PSMD1: variants seen among roughly 807,000 people sequenced by gnomAD.
PSMD1 encodes the protein proteasome 26S subunit, non-ATPase 1.
A neutral mutation model predicts 119.0 loss-of-function variants in PSMD1; 18 were observed. The ratio of observed to expected loss-of-function variants is 0.15; its 90% CI spans 0.10 to 0.22. The LOEUF (loss-of-function observed/expected upper bound fraction) is 0.22, where lower values mean the gene tolerates loss of function less well. Ranked by LOEUF, PSMD1 falls within the 10% of genes least tolerant of loss-of-function variation. PSMD1 has a pLI of 1.00. For missense variants in PSMD1, 702 were observed against 1,158.5 expected (o/e 0.61, Z 5.72); for synonymous variants, 374 against 396.6 (o/e 0.94, Z 0.68).
chr2:231,066,268 T>G (rs1693909633), intron 4 of PSMD1, among the ~76,000 whole-genome samples: 2 of 152,264 alleles, frequency 1.3e-5, no homozygotes, highest in South Asian at 2.1e-4. Flanking sequence ...TTTAAACTTG[T>G]GGCACATTTC....
chr2:231,108,324 A>C (rs1297634699), intron 16 of PSMD1: 1 of 545,920 alleles, frequency 1.8e-6, no homozygotes, highest in Non-Finnish European at 3.2e-6. Context: ...ATTTGTAGCT[A>C]TATAAAATTA....
chr2:231,056,974 A>G lies in PSMD1; in HGVS notation c.-52A>G. 1 of 1,538,566 alleles carries G rather than the reference A, an allele frequency of 6.5e-7. No individual in the cohort carries two copies. Among genetic ancestry groups the G allele is most frequent in the Non-Finnish European group, 8.7e-7 (1 of 1,143,326 alleles). On this transcript the variant is annotated 5_prime_UTR_variant, in exon 1 of 25. Coordinates refer to ENST00000308696, the MANE Select transcript of PSMD1 (RefSeq NM_002807.4). The stretch of plus-strand genomic sequence containing the variant: ...GAGCGGCCCCTGAGCTGACAGATAC[A>G]CTGCGCAGCTGGAACGGCGAGCGAG...
Position 231,061,251 on chromosome 2 carries a change from A to G in PSMD1, c.17-16A>G. ...AGAATGTGTTTCATAATCATGTTAC[A>G]TCTTTTTTCTCATAGCTGGAATTAT... On this transcript the variant is annotated splice_polypyrimidine_tract_variant and intron_variant, in intron 1 of 24. Coordinates refer to ENST00000308696, the MANE Select transcript of PSMD1 (RefSeq NM_002807.4). The G allele has an allele frequency of 6.3e-7, 1 of 1,577,288 alleles. No homozygotes were observed. Among genetic ancestry groups the G allele is most frequent in the African/African-American group, 1.4e-5 (1 of 73,982 alleles).
At chr2:231,087,712 C>T (rs999183522) in intron 16 of PSMD1, among the ~76,000 whole-genome samples, 4 of 152,146 alleles carry the variant, frequency 2.6e-5, no homozygotes, top group Admixed American at 1.3e-4. Flanking sequence ...CCTGTAATCC[C>T]AGCACTTTGG....
At chr2:231,118,547 G>A (rs1374676531) in intron 16 of PSMD1, among the ~76,000 whole-genome samples, 1 of 152,144 alleles carries the variant, frequency 6.6e-6, no homozygotes, top group Non-Finnish European at 1.5e-5. Context: ...TAACCTGTAT[G>A]CATTGCATGC....
intron 18 of PSMD1, among the ~76,000 whole-genome samples, chr2:231,148,154 A>G (rs1696290886): frequency 6.6e-6 from 1 of 152,212 alleles, no homozygotes; most frequent in Non-Finnish European, 1.5e-5. Context: ...GTTTTTAAAT[A>G]TAGCAGCTAT....
chr2:231,142,184 G>GT (rs1268134594), intron 17 of PSMD1, among the ~76,000 whole-genome samples: 2 of 152,022 alleles, frequency 1.3e-5, no homozygotes, highest in Admixed American at 6.6e-5. Context: ...TGCCCGGCCA[G>GT]TTTTTTTATT....
At chr2:231,114,906 C>T (rs1202381868) in intron 16 of PSMD1, among the ~76,000 whole-genome samples, 1 of 152,030 alleles carries the variant, frequency 6.6e-6, no homozygotes, top group Non-Finnish European at 1.5e-5. Flanking sequence ...AGAATATTTC[C>T]ATTAGAATCC....
intron 16 of PSMD1, among the ~76,000 whole-genome samples, chr2:231,095,395 A>G (rs1694699910): frequency 6.6e-6 from 1 of 152,238 alleles, no homozygotes; most frequent in Non-Finnish European, 1.5e-5. Context: ...AGGAGAGGAC[A>G]TTTGCACATT....
chr2:231,113,826 A>G (rs1695241202), intron 16 of PSMD1: 2 of 1,614,176 alleles, frequency 1.2e-6, no homozygotes, highest in African/African-American at 1.3e-5. Flanking sequence ...CTATGTAACG[A>G]TCCACTGAAA....
At chr2:231,133,353 GTATTGAGTTAATCCTC>G (rs1298157050) in intron 16 of PSMD1, 45 of 152,274 alleles carry the variant, frequency 3.0e-4, no homozygotes, top group African/African-American at 9.9e-4. Context: ...TAATTGCTGT[GTATTGAGTTAATCCTC>G]TAACACTGTG....
intron 4 of PSMD1, among the ~76,000 whole-genome samples, 174 bp from the exon 5 acceptor site, chr2:231,066,732 C>T (rs1029754696): frequency 4.7e-5 from 7 of 147,582 alleles, no homozygotes; most frequent in Non-Finnish European, 7.5e-5. Context: ...TGTAGTTCTC[C>T]GGTGTAAATA....
At position 231,067,111 on chromosome 2, in the gene PSMD1, G is replaced by T; in HGVS notation, c.510G>T (p.Ser170=). 1 of 1,574,986 alleles carries T rather than the reference G, an allele frequency of 6.3e-7. No individual in the cohort carries two copies. The highest frequency in any genetic ancestry group is 8.6e-7 in the Non-Finnish European group (1 of 1,165,100). The change falls in exon 5 of 25, where the codon TCG becomes TCT. Residue 170 remains serine, a splice_region_variant and synonymous_variant. Transcript: ENST00000308696. The part of the protein sequence containing the change: ...LDVFEKTILE[S]NDVPGMLAYS... Reference sequence around the variant, plus strand: ...TCTTTGAAAAGACCATACTGGAGTCGGTAGGTAGATGATGTTATTTTAGAA... The same window carrying T: ...TCTTTGAAAAGACCATACTGGAGTCTGTAGGTAGATGATGTTATTTTAGAA...
rs193141635 is a variant in PSMD1, at chr2:231,073,801, G to A, written c.881+1386G>A. On this transcript the variant is annotated intron_variant, in intron 7 of 24. Coordinates refer to ENST00000308696, the MANE Select transcript of PSMD1 (RefSeq NM_002807.4). ...TTTTAAATTTCTATTTTTTTTGTTG[G>A]TAGTATATAGAAATATAATTGATTT... Among the ~76,000 whole-genome samples, 55 of 151,446 alleles carry A rather than the reference G, an allele frequency of 3.6e-4. No homozygotes were observed. In the East Asian group the frequency reaches 0.01, roughly 29 times the overall value.
chr2:231,101,733 T>A (rs1694870806), intron 16 of PSMD1, among the ~76,000 whole-genome samples: 1 of 152,184 alleles, frequency 6.6e-6, no homozygotes, highest in African/African-American at 2.4e-5. Flanking sequence ...GCCACCAACA[T>A]CAGGAGAAGA....
At chr2:231,130,425 G>A (rs1486431655) in intron 16 of PSMD1, among the ~76,000 whole-genome samples, 1 of 152,086 alleles carries the variant, frequency 6.6e-6, no homozygotes, top group African/African-American at 2.4e-5. Context: ...TGTTTTTCCT[G>A]TGACTTGACC....
chr2:231,112,552 G>T (rs758723829), intron 16 of PSMD1, among the ~76,000 whole-genome samples: 49 of 152,146 alleles, frequency 3.2e-4, no homozygotes, highest in Non-Finnish European at 6.3e-4. Context: ...TTGCCCCAGT[G>T]CCCCTACTCA....
At chr2:231,127,374 A>T (rs1695751391) in intron 16 of PSMD1, among the ~76,000 whole-genome samples, 1 of 151,786 alleles carries the variant, frequency 6.6e-6, no homozygotes, top group Non-Finnish European at 1.5e-5. Context: ...TTGTTTTTTG[A>T]GACAGAGCCT....
chr2:231,158,628 C>T (rs1425999432), intron 19 of PSMD1, among the ~76,000 whole-genome samples: 1 of 152,184 alleles, frequency 6.6e-6, no homozygotes, highest in Non-Finnish European at 1.5e-5. Flanking sequence ...AGCTAGGCAT[C>T]GTTTTCCTCT....
Sources: gnomAD v4.1 joint callset for allele counts (sites outside exome capture counted in the v4.1 genomes callset) on GRCh38, gnomAD v4.1.1 for gene constraint, MANE v1.5 for transcripts, NCBI Gene and HGNC (gene_info 2026-07-23, HGNC 2026-07-21) for gene names.